NOL10: variants seen among roughly 807,000 people sequenced by gnomAD.
The protein encoded by NOL10 is nucleolar protein 10.
A neutral mutation model predicts 103.5 loss-of-function variants in NOL10; 58 were observed. The observed-to-expected ratio is 0.56, with a 90% CI of 0.45 to 0.70. The LOEUF (loss-of-function observed/expected upper bound fraction) is 0.70, where lower values mean the gene tolerates loss of function less well. Ranked by LOEUF, NOL10 falls within the 30% of genes least tolerant of loss-of-function variation. The pLI, the probability that NOL10 is intolerant of heterozygous loss-of-function variation, is 0.00. For synonymous variants in NOL10, 287 were observed against 282.5 expected, an observed-to-expected ratio of 1.02 and a Z score of -0.16; for missense variants, 763 against 807.3, an observed-to-expected ratio of 0.95 and a Z score of 0.67.
At chr2:10,588,786 A>G (rs558933739) in intron 19 of NOL10, among the ~76,000 whole-genome samples, 4 of 152,322 alleles carry the variant, frequency 2.6e-5, no homozygotes, top group African/African-American at 9.6e-5. Flanking sequence ...TGTAAACTAT[A>G]CCTCAAAAAG....
At chr2:10,662,043 T>G (rs1281599589) in intron 9 of NOL10, among the ~76,000 whole-genome samples, 1 of 152,180 alleles carries the variant, frequency 6.6e-6, no homozygotes, top group Non-Finnish European at 1.5e-5. Flanking sequence ...GCTTTTCCAC[T>G]GACAGGCGCA....
intron 16 of NOL10, 56 bp from the exon 17 acceptor site, chr2:10,600,998 C>A: frequency 1.9e-6 from 2 of 1,043,904 alleles, no homozygotes; most frequent in Non-Finnish European, 2.9e-6. Context: ...AACATATTTA[C>A]ATATTAGCTT....
Position 10,644,346 on chromosome 2 carries a change from G to C in NOL10, c.1000C>G (p.Pro334Ala). 3 of 1,539,312 alleles carry C rather than the reference G, an allele frequency of 1.9e-6. No individual in the cohort carries two copies. The South Asian group carries it at 3.7e-5, about 19-fold the overall frequency. Reference sequence around the variant, plus strand: ...GGAATGTAATAGATGCCCATCTTGGGGGTTTCATTGGCCGTCAGAAGCATG... The same window carrying C: ...GGAATGTAATAGATGCCCATCTTGGCGGTTTCATTGGCCGTCAGAAGCATG... The part of the protein sequence containing the change: ...SGMLLTANET[P>A]KMGIYYIPVL... The change falls in exon 13 of 21, where the codon CCC becomes GCC. Residue 334 changes from proline to alanine, a missense_variant. Physicochemically the swap from Pro to Ala is conservative, Grantham distance 27 (BLOSUM62 -1). Transcript: ENST00000381685.
At chr2:10,581,339 C>G (rs959238851) in intron 19 of NOL10, among the ~76,000 whole-genome samples, 1 of 152,108 alleles carries the variant, frequency 6.6e-6, no homozygotes, top group Non-Finnish European at 1.5e-5. Context: ...AATACTTGTC[C>G]GTGTGCATAC....
chr2:10,648,792 G>T (rs1679259934), intron 12 of NOL10, among the ~76,000 whole-genome samples: 1 of 152,078 alleles, frequency 6.6e-6, no homozygotes, highest in African/African-American at 2.4e-5. Context: ...ATAAATCGAG[G>T]ATGAAGGATA....
intron 17 of NOL10, among the ~76,000 whole-genome samples, chr2:10,594,470 G>A (rs1270349367): frequency 6.6e-6 from 1 of 152,108 alleles, no homozygotes; most frequent in Non-Finnish European, 1.5e-5. Flanking sequence ...AGGCTAGAAT[G>A]GAATGGGGCA....
chr2:10,595,095 A>AAT (rs1675598407), intron 17 of NOL10, among the ~76,000 whole-genome samples: 1 of 149,018 alleles, frequency 6.7e-6, no homozygotes, highest in African/African-American at 2.5e-5. Context: ...CCTAACACTA[A>AAT]AAAGTTAAGA....
chr2:10,676,255 T>A (rs947399936), intron 3 of NOL10, among the ~76,000 whole-genome samples: 1 of 152,178 alleles, frequency 6.6e-6, no homozygotes, highest in African/African-American at 2.4e-5. Flanking sequence ...TGAAGGACAA[T>A]CCCTAAAAAC....
At chr2:10,582,222 A>G (rs901784931) in intron 19 of NOL10, among the ~76,000 whole-genome samples, 1 of 152,212 alleles carries the variant, frequency 6.6e-6, no homozygotes, top group African/African-American at 2.4e-5. Flanking sequence ...ATTAATTCAC[A>G]AAGTGGATAA....
chr2:10,659,656 G>A (rs1680066937), intron 9 of NOL10, among the ~76,000 whole-genome samples: 1 of 152,072 alleles, frequency 6.6e-6, no homozygotes, highest in African/African-American at 2.4e-5. Context: ...GCGCTGCAGT[G>A]GAGCTCTGCT....
intron 13 of NOL10, among the ~76,000 whole-genome samples, chr2:10,637,941 A>G (rs1036858629): frequency 6.6e-6 from 1 of 152,068 alleles, no homozygotes; most frequent in African/African-American, 2.4e-5. Flanking sequence ...AACAGTCAAA[A>G]TATTTTAATA....
intron 20 of NOL10, among the ~76,000 whole-genome samples, chr2:10,574,248 T>TAG (rs1250657787): frequency 6.6e-6 from 1 of 152,190 alleles, no homozygotes; most frequent in Non-Finnish European, 1.5e-5. Context: ...TAACACTCCC[T>TAG]AGCTGAGCAA....
At chr2:10,649,249 C>T (rs1392102569) in intron 12 of NOL10, among the ~76,000 whole-genome samples, 1 of 150,008 alleles carries the variant, frequency 6.7e-6, no homozygotes, top group Non-Finnish European at 1.5e-5. Flanking sequence ...CAATAACAAA[C>T]ATTGAGGAGA....
intron 1 of NOL10, among the ~76,000 whole-genome samples, chr2:10,686,229 T>C (rs1001490506): frequency 6.6e-6 from 1 of 152,096 alleles, no homozygotes; most frequent in Non-Finnish European, 1.5e-5. Context: ...TGGAGAATTA[T>C]AATTTTGAAT....
rs916006708 is a variant in NOL10 at position 10,589,224 on chromosome 2, T to C, written c.1663A>G (p.Lys555Glu). The stretch of plus-strand genomic sequence containing the variant: ...TTCCTGACCTCTTCAACCCAGGCTT[T>C]TTCATCATCTGAACTCTCCGAACTT... ...AESSESSDDE[K>E]AWVEEVRKQR... Residue 555 changes from lysine (K) to glutamate (E), a missense_variant, in exon 19 of 21, where the codon AAA (lysine) becomes GAA (glutamate). Transcript: ENST00000381685. 3.7e-6 allele frequency: 6 copies of C among 1,613,864 alleles called. No homozygotes were observed. In the Admixed American group the frequency reaches 6.7e-5, roughly 18 times the overall value.
At position 10,602,890 on chromosome 2, in the gene NOL10, A is replaced by C; in HGVS notation, c.1234-16T>G. 1 of 1,539,678 alleles carries C rather than the reference A, an allele frequency of 6.5e-7. No individual in the cohort carries two copies. The highest frequency in any genetic ancestry group is 8.9e-7 in the Non-Finnish European group (1 of 1,125,184). ...TCAGTTTCACCTTTTCAAAATGAAAAAAGTTTTTAAAATAAAAGAATGGTA... is the reference window on the plus strand; with the variant it reads ...TCAGTTTCACCTTTTCAAAATGAAACAAGTTTTTAAAATAAAAGAATGGTA... On this transcript the variant is annotated splice_polypyrimidine_tract_variant and intron_variant, in intron 15 of 20. Transcript: ENST00000381685.
At chr2:10,630,272 C>A (rs963945203) in intron 13 of NOL10, among the ~76,000 whole-genome samples, 2 of 152,186 alleles carry the variant, frequency 1.3e-5, no homozygotes, top group African/African-American at 4.8e-5. Context: ...ATAAGTAACT[C>A]ATTCAAGGTC....
At position 10,638,792 on chromosome 2, in the gene NOL10, C is replaced by CTTTT. The variant is rs575658225; in HGVS notation, c.1026+5524_1026+5527dup. Reference sequence around the variant, plus strand: ...AGGCGTTTGAGCCACCGTGCCTGGCCTTTTTTTTTTTTTTTTTTTTTTTTT... The same window carrying CTTTT: ...AGGCGTTTGAGCCACCGTGCCTGGCCTTTTTTTTTTTTTTTTTTTTTTTTTTTTT... On this transcript the variant is annotated intron_variant, in intron 13 of 20. Transcript: ENST00000381685. 7.6e-5 allele frequency among the ~76,000 whole-genome samples: 4 copies of CTTTT among 52,858 alleles called. 1 individual carries two copies. The highest frequency in any genetic ancestry group is 3.7e-4 in the African/African-American group (4 of 10,722). The allele number at this position is 52,858 out of a possible 152,430, so 34.7% of individuals were successfully genotyped here.
At chr2:10,582,271 A>T (rs754371867) in intron 19 of NOL10, among the ~76,000 whole-genome samples, 4 of 152,210 alleles carry the variant, frequency 2.6e-5, no homozygotes, top group Non-Finnish European at 2.9e-5. Flanking sequence ...AAAGCTACCA[A>T]GCTACCCGGT....
Sources: allele counts gnomAD v4.1 joint callset (sites outside exome capture counted in the v4.1 genomes callset), GRCh38; gene constraint gnomAD v4.1.1; transcripts MANE v1.5; gene names NCBI Gene and HGNC (gene_info 2026-07-23, HGNC 2026-07-21).